The following CACNB4 variants were observed in gnomAD, a reference collection of about 807,000 sequenced individuals.
CACNB4 encodes the protein voltage-dependent L-type calcium channel subunit beta-4.
CACNB4 carries 32 observed loss-of-function variants against 71.2 expected under a neutral mutation model. The ratio of observed to expected loss-of-function variants is 0.45; its 90% CI spans 0.34 to 0.60. The LOEUF is 0.60. CACNB4 is among the 20% of genes least tolerant of loss of function. The pLI, the probability that CACNB4 is intolerant of heterozygous loss-of-function variation, is 0.01. For missense variants in CACNB4, 464 were observed against 647.9 expected, an observed-to-expected ratio of 0.72 and a Z score of 3.08; for synonymous variants, 231 against 236.9, an observed-to-expected ratio of 0.97 and a Z score of 0.23.
intron 2 of CACNB4, among the ~76,000 whole-genome samples, chr2:152,024,178 C>A (rs1443456158): frequency 6.6e-6 from 1 of 152,126 alleles, no homozygotes; most frequent in African/African-American, 2.4e-5. Flanking sequence ...TAAAAATTAG[C>A]CAGGTATGGT....
At chr2:152,045,437 G>A (rs1489547452) in intron 2 of CACNB4, among the ~76,000 whole-genome samples, 1 of 152,162 alleles carries the variant, frequency 6.6e-6, no homozygotes, top group Non-Finnish European at 1.5e-5. Flanking sequence ...GACAAATATT[G>A]TGTGATTCCA....
chr2:151,941,604 A>G (rs556143188), intron 2 of CACNB4, among the ~76,000 whole-genome samples: 8 of 142,284 alleles, frequency 5.6e-5, no homozygotes, highest in South Asian at 2.2e-4. Context: ...TTGAAAAGGG[A>G]AAAAAAAAAA....
chr2:151,870,249 G>C lies in CACNB4; in HGVS notation c.699+282C>G, dbSNP rs1254155142. ...CAAGACAGATAAAGTCCTTTTCTTT[G>C]CATTTAATGTACAGCAAATCTTTGA... On this transcript the variant is annotated intron_variant, in intron 8 of 13. Coordinates refer to ENST00000539935, the MANE Select transcript of CACNB4 (RefSeq NM_000726.5). The C allele has an allele frequency of 7.1e-6, 5 of 702,716 alleles. No homozygotes were observed. The African/African-American group carries it at 8.7e-5, about 12-fold the overall frequency. The allele number at this position is 702,716 out of a possible 1,614,324, so 43.5% of individuals were successfully genotyped here.
intron 2 of CACNB4, among the ~76,000 whole-genome samples, chr2:152,029,711 G>A (rs113309895): frequency 0.044 from 6,758 of 152,004 alleles, 490 homozygotes; most frequent in African/African-American, 0.16. Flanking sequence ...TTTAGGAGGT[G>A]CTTAGGGCAT....
intron 2 of CACNB4, among the ~76,000 whole-genome samples, chr2:152,086,456 T>C (rs1687666429): frequency 6.6e-6 from 1 of 152,220 alleles, no homozygotes; most frequent in Non-Finnish European, 1.5e-5. Context: ...TACTCAAATA[T>C]AATTGAGAAG....
At chr2:152,053,176 G>A (rs1043308505) in intron 2 of CACNB4, among the ~76,000 whole-genome samples, 1 of 152,138 alleles carries the variant, frequency 6.6e-6, no homozygotes, top group Admixed American at 6.5e-5. Flanking sequence ...CTTCAAGAAG[G>A]GGGCTGGTCA....
intron 2 of CACNB4, among the ~76,000 whole-genome samples, chr2:152,043,271 C>G (rs904730201): frequency 2.6e-5 from 4 of 152,176 alleles, no homozygotes; most frequent in Admixed American, 2.6e-4. Context: ...TATGGATTTG[C>G]TTCTAATTAT....
At position 152,093,400 on chromosome 2, in the gene CACNB4, G is replaced by GGTGTGTGTGTGTGT. The variant is rs34845177; in HGVS notation, c.147+4916_147+4929dup. ...CACTGAATTTGACTTGCTGTTTTTT[G>GGTGTGTGTGTGTGT]GTGTGTGTGTGTGTGTGTGTGTGTG... On this transcript the variant is annotated intron_variant, in intron 2 of 13. Transcript: ENST00000539935. 6.6e-3 allele frequency among the ~76,000 whole-genome samples: 974 copies of GGTGTGTGTGTGTGT among 146,638 alleles called. 3 individuals are homozygous for GGTGTGTGTGTGTGT. Among genetic ancestry groups the GGTGTGTGTGTGTGT allele is most frequent in the East Asian group, 0.018 (92 of 5,016 alleles).
chr2:151,966,273 TTTTC>T (rs2099871080), intron 2 of CACNB4, among the ~76,000 whole-genome samples: 2 of 151,280 alleles, frequency 1.3e-5, no homozygotes, highest in South Asian at 4.2e-4. Flanking sequence ...CTTTCTTTCT[TTTTC>T]TTTTATTTAT....
chr2:151,974,439 G>T (rs765968782), intron 2 of CACNB4, among the ~76,000 whole-genome samples: 74 of 152,280 alleles, frequency 4.9e-4, no homozygotes, highest in Non-Finnish European at 9.4e-4. Context: ...TATAGTAAAA[G>T]TTTTCAATAT....
chr2:151,953,487 C>T (rs114434064), intron 2 of CACNB4, among the ~76,000 whole-genome samples: 60 of 152,230 alleles, frequency 3.9e-4, no homozygotes, highest in African/African-American at 1.3e-3. Context: ...TGACCCTGGA[C>T]GAATCATATG....
At chr2:151,860,478 G>A in intron 10 of CACNB4, 1 of 547,334 alleles carries the variant, frequency 1.8e-6, no homozygotes, top group South Asian at 2.3e-5. Flanking sequence ...AGCCCATTGA[G>A]GATTCTTTCC....
chr2:152,067,195 T>C (rs974854958), intron 2 of CACNB4, among the ~76,000 whole-genome samples: 2 of 152,098 alleles, frequency 1.3e-5, no homozygotes, highest in African/African-American at 4.8e-5. Context: ...AGTAAATGCC[T>C]GTGGGCCACT....
intron 2 of CACNB4, among the ~76,000 whole-genome samples, chr2:152,044,513 C>T (rs900277137): frequency 2.0e-5 from 3 of 152,128 alleles, no homozygotes; most frequent in Non-Finnish European, 4.4e-5. Context: ...CCACCGCACC[C>T]GGCCTTAAAG....
At chr2:151,884,503 G>T (rs569746981) in intron 2 of CACNB4, among the ~76,000 whole-genome samples, 1 of 150,136 alleles carries the variant, frequency 6.7e-6, no homozygotes, top group Non-Finnish European at 1.5e-5. Context: ...GCGTGGTGGC[G>T]GGCGCCTGTA....
Position 151,860,965 on chromosome 2 carries a change from C to T in CACNB4, c.759-145G>A, listed in dbSNP as rs988976543. On this transcript the variant is annotated intron_variant, in intron 9 of 13. Coordinates refer to ENST00000539935, the MANE Select transcript of CACNB4 (RefSeq NM_000726.5). ...AAACATTGGCCACAAGTATTTTAAACAGGCTCTGGCTAGTATCAGAATGCA... is the reference window on the plus strand; with the variant it reads ...AAACATTGGCCACAAGTATTTTAAATAGGCTCTGGCTAGTATCAGAATGCA... 4 of 621,044 alleles carry T rather than the reference C, an allele frequency of 6.4e-6. No individual in the cohort carries two copies. The African/African-American group carries it at 7.3e-5, about 11-fold the overall frequency. 38.5% of individuals were successfully genotyped at this position (621,044 alleles called of 1,614,324 possible).
At chr2:151,949,640 ATGTCAAGGTCCTGAT>A (rs2099866424) in intron 2 of CACNB4, among the ~76,000 whole-genome samples, 1 of 152,214 alleles carries the variant, frequency 6.6e-6, no homozygotes, top group Non-Finnish European at 1.5e-5. Flanking sequence ...AAGGGCCATG[ATGTCAAGGTCCTGAT>A]GTGCCAAGGA....
At chr2:151,914,134 T>C (rs1028593408) in intron 2 of CACNB4, among the ~76,000 whole-genome samples, 1 of 152,236 alleles carries the variant, frequency 6.6e-6, no homozygotes, top group Non-Finnish European at 1.5e-5. Flanking sequence ...GTTTGGTCTT[T>C]TTACGAATTC....
At chr2:151,925,189 T>A (rs1475089671) in intron 2 of CACNB4, among the ~76,000 whole-genome samples, 1 of 152,238 alleles carries the variant, frequency 6.6e-6, no homozygotes, top group Non-Finnish European at 1.5e-5. Context: ...GAAAGTTACC[T>A]GCACTCTAAG....
Sources: gnomAD v4.1 joint callset for allele counts (sites outside exome capture counted in the v4.1 genomes callset) on GRCh38, gnomAD v4.1.1 for gene constraint, MANE v1.5 for transcripts, NCBI Gene and HGNC (gene_info 2026-07-23, HGNC 2026-07-21) for gene names.